The following SPATA13 variants were observed in gnomAD, a reference collection of about 807,000 sequenced individuals.
The protein encoded by SPATA13 is spermatogenesis associated 13, also known as spermatogenesis-associated protein 13.
In SPATA13, 50 loss-of-function variants were observed where a neutral mutation model predicts 104.0. The ratio of observed to expected loss-of-function variants is 0.48; its 90% CI spans 0.38 to 0.61. SPATA13 has a LOEUF of 0.61. SPATA13 is among the 20% of genes least tolerant of loss of function. SPATA13 has a pLI of 0.00. For synonymous variants in SPATA13, 606 were observed against 667.5 expected, an observed-to-expected ratio of 0.91 and a Z score of 1.42; for missense variants, 1,524 against 1,690.6, an observed-to-expected ratio of 0.90 and a Z score of 1.73.
At chr13:24,122,526 T>C (rs4770592) in intron 3 of SPATA13, 165,440 of 1,570,798 alleles carry the variant, frequency 0.11, 13,813 homozygotes, top group East Asian at 0.39. Flanking sequence ...CACTCCCCGG[T>C]TCCTCTGGTC....
At position 24,226,838 on chromosome 13, in the gene SPATA13, G is replaced by A. The variant is rs1414615408; in HGVS notation, c.1653+2256G>A. Reference sequence around the variant, plus strand: ...CTGGTTAGTAGAACCTTTGTAGAAAGACCTAGAAAGTAGGACTATCGCAGA... The same window carrying A: ...CTGGTTAGTAGAACCTTTGTAGAAAAACCTAGAAAGTAGGACTATCGCAGA... On this transcript the variant is annotated intron_variant, in intron 2 of 12. Coordinates refer to ENST00000382108, the MANE Select transcript of SPATA13 (RefSeq NM_001166271.3). Among the ~76,000 whole-genome samples the A allele has an allele frequency of 2.6e-5, 4 of 152,316 alleles. No homozygotes were observed. In the East Asian group the frequency reaches 7.7e-4, roughly 29 times the overall value.
At chr13:24,058,108 G>A (rs538749171) in intron 3 of SPATA13, among the ~76,000 whole-genome samples, 1 of 151,894 alleles carries the variant, frequency 6.6e-6, no homozygotes, top group South Asian at 2.1e-4. Flanking sequence ...GGAGTGTTAT[G>A]TCTTTGTATT....
Position 24,161,101 on chromosome 13 carries a change from A to C in SPATA13, c.-112+169A>C, listed in dbSNP as rs901466747. On this transcript the variant is annotated intron_variant, in intron 1 of 12. Coordinates refer to ENST00000382108, the MANE Select transcript of SPATA13 (RefSeq NM_001166271.3). This position sits in a 1 kb window ranked among gnomAD's most constrained non-coding sequence, Gnocchi z 4.5. ...CGCCGGTGGAGGCTACCGGGTGCTC[A>C]CCTGTTAGGTCCGTGCGCCCGCTCC... Among the ~76,000 whole-genome samples the C allele has an allele frequency of 7.0e-4, 106 of 152,202 alleles. 1 individual carries two copies. Among genetic ancestry groups the C allele is most frequent in the African/African-American group, 4.8e-5 (2 of 41,540 alleles).
At chr13:24,186,859 T>G (rs1345105946) in intron 1 of SPATA13, among the ~76,000 whole-genome samples, 1 of 152,186 alleles carries the variant, frequency 6.6e-6, no homozygotes, top group East Asian at 1.9e-4. Context: ...CTTTTGCATA[T>G]TCTCATGAAA....
intron 4 of SPATA13, chr13:24,278,552 A>AC: frequency 8.4e-7 from 1 of 1,195,084 alleles, no homozygotes; most frequent in South Asian, 1.9e-5. Flanking sequence ...TGCTGGGATT[A>AC]CAAGCATGAG....
At chr13:24,291,694 C>T (rs1876358949) in intron 9 of SPATA13, among the ~76,000 whole-genome samples, 1 of 152,090 alleles carries the variant, frequency 6.6e-6, no homozygotes, top group Non-Finnish European at 1.5e-5. Context: ...TGGATCTCGG[C>T]TTCTCCTGAA....
chr13:24,213,088 C>A (rs997432970), intron 1 of SPATA13, among the ~76,000 whole-genome samples: 1 of 152,204 alleles, frequency 6.6e-6, no homozygotes, highest in African/African-American at 2.4e-5. Context: ...AGGACAGACT[C>A]CTGCACGGAG....
intron 3 of SPATA13, among the ~76,000 whole-genome samples, chr13:24,107,346 G>A (rs114601079): frequency 1.7e-3 from 259 of 148,994 alleles, no homozygotes; most frequent in African/African-American, 6.1e-3. Context: ...AGTGGAAACT[G>A]TCCCCAGAGA....
chr13:23,981,348 A>G (rs1244992484), intron 1 of SPATA13, among the ~76,000 whole-genome samples: 1 of 152,192 alleles, frequency 6.6e-6, no homozygotes, highest in Non-Finnish European at 1.5e-5. Context: ...CTTCTATTTT[A>G]CAAATTATGT....
intron 2 of SPATA13, among the ~76,000 whole-genome samples, chr13:24,233,128 G>A (rs1872376781): frequency 6.6e-6 from 1 of 152,118 alleles, no homozygotes; most frequent in South Asian, 2.1e-4. Flanking sequence ...GTACTGCAGA[G>A]AATGTAAGTT....
intron 3 of SPATA13, among the ~76,000 whole-genome samples, chr13:24,111,529 T>G (rs1880638983): frequency 3.3e-5 from 5 of 150,738 alleles, no homozygotes; most frequent in Admixed American, 3.3e-4. Context: ...CACCTCAGCC[T>G]CCTGAGTAGT....
chr13:24,157,308 TA>T (rs1210214004), upstream of SPATA13, among the ~76,000 whole-genome samples: 11 of 152,134 alleles, frequency 7.2e-5, no homozygotes, highest in African/African-American at 2.7e-4. Flanking sequence ...CTTTTTAATA[TA>T]TTTTTTTGAG....
At chr13:24,081,614 T>C (rs1487862121) in intron 3 of SPATA13, among the ~76,000 whole-genome samples, 2 of 152,142 alleles carry the variant, frequency 1.3e-5, no homozygotes, top group African/African-American at 4.8e-5. Context: ...TTCAAGGCTG[T>C]AGTGAGCTAT....
chr13:24,038,977 G>A (rs902315917), intron 3 of SPATA13, among the ~76,000 whole-genome samples: 1 of 152,130 alleles, frequency 6.6e-6, no homozygotes. Context: ...ACACAGGCAG[G>A]GAAATAGGGG....
rs187518292 is a variant in SPATA13, at chr13:24,097,419, T to C, written c.-112+79718T>C. Reference sequence around the variant, plus strand: ...TTCAGGGGAAGACCAGAAAACAAAATTGGCAGAAAAGAGCTAAACCTCAGT... The same window carrying C: ...TTCAGGGGAAGACCAGAAAACAAAACTGGCAGAAAAGAGCTAAACCTCAGT... On this transcript the variant is annotated intron_variant, in intron 3 of 14. Transcript: ENST00000424834. Among the ~76,000 whole-genome samples, 11 of 152,092 alleles carry C rather than the reference T, an allele frequency of 7.2e-5. No individual in the cohort carries two copies. The East Asian group carries it at 1.7e-3, about 24-fold the overall frequency.
chr13:24,259,369 G>T lies in SPATA13; in HGVS notation c.2164+7507G>T, dbSNP rs148963197. ...CAAAACAGCCCCCAGAGCCTCACTT[G>T]CTTTCTTACTCTGGTAGATGTTTTC... On this transcript the variant is annotated intron_variant, in intron 4 of 12. Coordinates refer to ENST00000382108, the MANE Select transcript of SPATA13 (RefSeq NM_001166271.3). Among the ~76,000 whole-genome samples the T allele has an allele frequency of 2.7e-3, 419 of 152,370 alleles. 2 individuals are homozygous for T. Among genetic ancestry groups the T allele is most frequent in the Non-Finnish European group, 4.4e-3 (301 of 68,040 alleles).
intron 12 of SPATA13, among the ~76,000 whole-genome samples, chr13:24,301,082 A>C (rs1566204819): frequency 4.6e-5 from 7 of 152,170 alleles, no homozygotes. Context: ...CTGATGCACT[A>C]AGATTTGTCC....
At chr13:24,117,742 C>G (rs1424423203) in intron 3 of SPATA13, among the ~76,000 whole-genome samples, 1 of 152,190 alleles carries the variant, frequency 6.6e-6, no homozygotes, top group Admixed American at 6.5e-5. Context: ...CAGGACACTG[C>G]AGTGGCCTGA....
In SPATA13 at chr13:24,305,071, G is replaced by A. The variant is rs1877489389; in HGVS notation, c.*2298G>A. The A allele has an allele frequency of 6.6e-6, 1 of 152,202 alleles. No homozygotes were observed. Among genetic ancestry groups the A allele is most frequent in the African/African-American group, 2.4e-5 (1 of 41,436 alleles). The allele number at this position is 152,202 out of a possible 1,614,324, so 9.4% of individuals were successfully genotyped here. ...ATGTAATATAAGAGAATTAGTTTAA[G>A]GAAGTAAAGAGAATCATTTGCTTGT... On this transcript the variant is annotated 3_prime_UTR_variant, in exon 13 of 13. Transcript: ENST00000382108.
Sources: gnomAD v4.1 joint callset for allele counts (sites outside exome capture counted in the v4.1 genomes callset) on GRCh38, gnomAD v4.1.1 for gene constraint, Gnocchi (gnomAD v3.1) non-coding constraint, MANE v1.5 for transcripts, NCBI Gene and HGNC (gene_info 2026-07-23, HGNC 2026-07-21) for gene names.